RTP3: variants seen among roughly 807,000 people sequenced by gnomAD.
RTP3 encodes the protein receptor transporter protein 3.
Under a neutral mutation model 6.2 loss-of-function variants are expected in RTP3, and 2 were observed. The observed-to-expected ratio is 0.32, with a 90% CI of 0.13 to 1.02. The LOEUF (loss-of-function observed/expected upper bound fraction) is 1.02, where lower values mean the gene tolerates loss of function less well. RTP3 is among the 50% of genes least tolerant of loss of function. The pLI is 0.47. For synonymous variants in RTP3, 106 were observed against 98.3 expected, an observed-to-expected ratio of 1.08 and a Z score of -0.47; for missense variants, 252 against 280.8, an observed-to-expected ratio of 0.90 and a Z score of 0.73.
chr3:46,499,952 G>A (rs1041319841), intron 1 of RTP3, among the ~76,000 whole-genome samples: 2 of 152,094 alleles, frequency 1.3e-5, no homozygotes, highest in Admixed American at 6.5e-5. Flanking sequence ...TTGCAGTTGT[G>A]GCCTCTGACC....
chr3:46,497,990 A>G lies in RTP3; in HGVS notation c.-73A>G, dbSNP rs4683241. On this transcript the variant is annotated 5_prime_UTR_variant, in exon 1 of 2. Coordinates refer to ENST00000296142, the MANE Select transcript of RTP3 (RefSeq NM_031440.2). ...GAGTCCTTGCCCTCTGAAGTCAGAA[A>G]CCTCATCTCCCACTACAGACCTGCC... The G allele has an allele frequency of 3.2e-6, 5 of 1,546,400 alleles. No homozygotes were observed. The highest frequency in any genetic ancestry group is 4.5e-6 in the Non-Finnish European group (5 of 1,122,926).
At chr3:46,498,957 C>G (rs776755230) in intron 1 of RTP3, among the ~76,000 whole-genome samples, 1 of 152,246 alleles carries the variant, frequency 6.6e-6, no homozygotes, top group African/African-American at 2.4e-5. Context: ...AGTTTGAACT[C>G]TGAACAAGCA....
Position 46,498,762 on chromosome 3 carries a change from C to T in RTP3, c.155+545C>T, listed in dbSNP as rs145136701. On this transcript the variant is annotated intron_variant, in intron 1 of 1. Coordinates refer to ENST00000296142, the MANE Select transcript of RTP3 (RefSeq NM_031440.2). ...CTCTTTCCCAGGTGGAAATGGGGAG[C>T]CCCAAGGCTTGGGGCTGATTGCCCA... Among the ~76,000 whole-genome samples the T allele has an allele frequency of 2.4e-3, 366 of 152,318 alleles. 3 individuals are homozygous for T. The highest frequency in any genetic ancestry group is 8.4e-3 in the African/African-American group (348 of 41,568).
chr3:46,500,948 T>C lies in RTP3; in HGVS notation c.*49T>C. 1 of 1,463,986 alleles carries C rather than the reference T, an allele frequency of 6.8e-7. No homozygotes were observed. Among genetic ancestry groups the C allele is most frequent in the Non-Finnish European group, 9.2e-7 (1 of 1,087,202 alleles). The allele number at this position is 1,463,986 out of a possible 1,614,324, so 90.7% of individuals were successfully genotyped here. A position where few individuals can be genotyped will look rare whatever the true frequency, so the allele number is the denominator to read the frequency against. ...CAGAAAAAAAATCAGATACAAAAAG[T>C]CATATGTTGTATGATTTCATTTATG... On this transcript the variant is annotated 3_prime_UTR_variant, in exon 2 of 2. Transcript: ENST00000296142.
chr3:46,500,550 A>G lies in RTP3; in HGVS notation c.350A>G (p.Asn117Ser). 6.2e-7 allele frequency: 1 copy of G among 1,614,164 alleles called. No homozygotes were observed. ...TQENISRILK[N>S]LVFRILKKCY... ...GAGAACATCTCAAGGATCCTGAAAA[A>G]CCTGGTGTTCCGAATTCTGAAGAAA... is the stretch of plus-strand genomic sequence containing the variant. Residue 117 changes from asparagine to serine, a missense_variant, in exon 2 of 2, where the codon AAC (asparagine) becomes AGC (serine). Physicochemically the swap from Asn to Ser is conservative, Grantham distance 46. Coordinates refer to ENST00000296142, the MANE Select transcript of RTP3 (RefSeq NM_031440.2).
At chr3:46,500,067 G>T (rs1337315185) in intron 1 of RTP3, among the ~76,000 whole-genome samples, 1 of 152,214 alleles carries the variant, frequency 6.6e-6, no homozygotes, top group East Asian at 1.9e-4. Flanking sequence ...GGAGTTTCCA[G>T]AGTGTGCCTC....
In RTP3 at chr3:46,500,779, C is replaced by T; in HGVS notation, c.579C>T (p.Ala193=). 1 of 1,614,168 alleles carries T rather than the reference C, an allele frequency of 6.2e-7. No homozygotes were observed. Among genetic ancestry groups the T allele is most frequent in the Non-Finnish European group, 8.5e-7 (1 of 1,180,036 alleles). The stretch of plus-strand genomic sequence containing the variant: ...TGGAGGAGGTAGTTAAGCCCTGGGC[C>T]TCAGGAGAGAATGTCTATTCCTACG... The part of the protein sequence containing the change: ...YKVEEVVKPW[A]SGENVYSYAC... The change falls in exon 2 of 2, where the codon GCC becomes GCT. Residue 193 remains alanine (A), a synonymous_variant. Transcript: ENST00000296142.
chr3:46,498,047 C>T lies in RTP3; in HGVS notation c.-16C>T. The T allele has an allele frequency of 1.2e-6, 2 of 1,613,984 alleles. No homozygotes were observed. Among genetic ancestry groups the T allele is most frequent in the Non-Finnish European group, 1.7e-6 (2 of 1,179,990 alleles). ...CAGGAGAGCTCGACCCACCCAGGCA[C>T]ACCATAGCCCCAGAGATGGCTGGGG... On this transcript the variant is annotated 5_prime_UTR_variant, in exon 1 of 2. Transcript: ENST00000296142.
Position 46,500,529 on chromosome 3 carries a change from A to G in RTP3, c.329A>G (p.Asn110Ser), listed in dbSNP as rs760762159. ...GAGGACCCTGAGTTCACACAAGAGA[A>G]CATCTCAAGGATCCTGAAAAACCTG... ...LFEDPEFTQENISRILKNLVF... is the reference protein window; with the variant it reads ...LFEDPEFTQESISRILKNLVF... The change falls in exon 2 of 2, where the codon AAC becomes AGC. Residue 110 changes from asparagine (N) to serine (S), a missense_variant. By Grantham distance (46) the Asn-to-Ser change is conservative. Coordinates refer to ENST00000296142, the MANE Select transcript of RTP3 (RefSeq NM_031440.2). 1 of 1,614,226 alleles carries G rather than the reference A, an allele frequency of 6.2e-7. No homozygotes were observed. Among genetic ancestry groups the G allele is most frequent in the East Asian group, 2.2e-5 (1 of 44,890 alleles).
chr3:46,500,819 A>T lies in RTP3; in HGVS notation c.619A>T (p.Ile207Phe). The T allele has an allele frequency of 6.2e-7, 1 of 1,612,356 alleles. No homozygotes were observed. Among genetic ancestry groups the T allele is most frequent in the South Asian group, 1.1e-5 (1 of 90,558 alleles). The change falls in exon 2 of 2, where the codon ATC (isoleucine) becomes TTC (phenylalanine). Residue 207 changes from isoleucine (I) to phenylalanine (F), a missense_variant. Coordinates refer to ENST00000296142, the MANE Select transcript of RTP3 (RefSeq NM_031440.2). ...NVYSYACQNH[I>F]CRNLSIFCCC... ...CTATTCCTACGCATGCCAAAACCAC[A>T]TCTGTAGGAACTTAAGCATTTTCTG...
In RTP3 at chr3:46,500,949, C is replaced by A; in HGVS notation, c.*50C>A. 3 of 1,453,118 alleles carry A rather than the reference C, an allele frequency of 2.1e-6. No individual in the cohort carries two copies. The highest frequency in any genetic ancestry group is 2.7e-5 in the South Asian group (2 of 73,450). 90.0% of individuals were successfully genotyped at this position (1,453,118 alleles called of 1,614,324 possible). ...AGAAAAAAAATCAGATACAAAAAGT[C>A]ATATGTTGTATGATTTCATTTATGT... On this transcript the variant is annotated 3_prime_UTR_variant, in exon 2 of 2. Coordinates refer to ENST00000296142, the MANE Select transcript of RTP3 (RefSeq NM_031440.2).
chr3:46,498,325 T>C, intron 1 of RTP3, 108 bp downstream of exon 1: 1 of 1,248,870 alleles, frequency 8.0e-7, no homozygotes, highest in Non-Finnish European at 1.1e-6. Context: ...TTGAAGACTA[T>C]GGGTAATAAG....
chr3:46,498,667 C>T (rs1703674360), intron 1 of RTP3, among the ~76,000 whole-genome samples: 1 of 152,154 alleles, frequency 6.6e-6, no homozygotes, highest in Non-Finnish European at 1.5e-5. Context: ...GCAATCCTGC[C>T]CCTCTCTACT....
At position 46,500,716 on chromosome 3, in the gene RTP3, C is replaced by G. The variant is rs759060701; in HGVS notation, c.516C>G (p.Pro172=). 6.2e-7 allele frequency: 1 copy of G among 1,614,012 alleles called. No individual in the cohort carries two copies. Among genetic ancestry groups the G allele is most frequent in the South Asian group, 1.1e-5 (1 of 91,048 alleles). ...GGCCCATACAGGTTACAAGCCTCCC[C>G]CCATCTCAGACCCCAAGAGTACACT... ...CAGPIQVTSL[P]PSQTPRVHSI... is the part of the protein sequence containing the mutation. The change falls in exon 2 of 2, where the codon CCC becomes CCG. Residue 172 remains proline (P), a synonymous_variant. Transcript: ENST00000296142.
At chr3:46,499,521 TC>T (rs1416191602) in intron 1 of RTP3, among the ~76,000 whole-genome samples, 1 of 152,132 alleles carries the variant, frequency 6.6e-6, no homozygotes, top group African/African-American at 2.4e-5. Flanking sequence ...TCTCTGCCTC[TC>T]CCATAATTCC....
chr3:46,498,809 C>T (rs536461294), intron 1 of RTP3, among the ~76,000 whole-genome samples: 22 of 152,316 alleles, frequency 1.4e-4, no homozygotes, highest in African/African-American at 2.4e-4. Flanking sequence ...GGGTGGAGGC[C>T]GGGTCCCACC....
At position 46,500,827 on chromosome 3, in the gene RTP3, G is replaced by A. The variant is rs893713495; in HGVS notation, c.627G>A (p.Arg209=). 4.3e-6 allele frequency: 7 copies of A among 1,611,494 alleles called. No individual in the cohort carries two copies. Among genetic ancestry groups the A allele is most frequent in the Non-Finnish European group, 5.9e-6 (7 of 1,179,290 alleles). ...ACGCATGCCAAAACCACATCTGTAGGAACTTAAGCATTTTCTGCTGTTGTG... is the reference window on the plus strand; with the variant it reads ...ACGCATGCCAAAACCACATCTGTAGAAACTTAAGCATTTTCTGCTGTTGTG... The part of the protein sequence containing the change: ...YSYACQNHIC[R]NLSIFCCCVI... The change falls in exon 2 of 2, where the codon AGG becomes AGA. Residue 209 remains arginine (R), a synonymous_variant. Coordinates refer to ENST00000296142, the MANE Select transcript of RTP3 (RefSeq NM_031440.2).
intron 1 of RTP3, among the ~76,000 whole-genome samples, chr3:46,498,581 T>C (rs1703673523): frequency 6.6e-6 from 1 of 151,970 alleles, no homozygotes; most frequent in Non-Finnish European, 1.5e-5. Context: ...TTGGAGCCCC[T>C]AGGAGGAGAG....
chr3:46,500,013 G>A (rs11130094), intron 1 of RTP3, among the ~76,000 whole-genome samples: 46,498 of 152,152 alleles, frequency 0.31, 8,659 homozygotes, highest in East Asian at 0.48. Context: ...GGAGACCACA[G>A]TCCCAGTCAT....
Sources: gnomAD v4.1 joint callset for allele counts (sites outside exome capture counted in the v4.1 genomes callset) on GRCh38, gnomAD v4.1.1 for gene constraint, MANE v1.5 for transcripts, NCBI Gene and HGNC (gene_info 2026-07-23, HGNC 2026-07-21) for gene names.